Variants in AHCYL2 observed in about 807,000 individuals in gnomAD.
AHCYL2 encodes S-adenosylhomocysteine hydrolase-like protein 2.
In AHCYL2, 28 loss-of-function variants were observed where a neutral mutation model predicts 81.4. The ratio of observed to expected loss-of-function variants is 0.34; its 90% confidence interval spans 0.25 to 0.47. The LOEUF (loss-of-function observed/expected upper bound fraction) is 0.47, where lower values mean the gene tolerates loss of function less well. Ranked by LOEUF, AHCYL2 falls within the 20% of genes least tolerant of loss-of-function variation. The pLI is 1.00. For synonymous variants in AHCYL2, 272 were observed against 290.2 expected, an observed-to-expected ratio of 0.94 and a Z score of 0.64; for missense variants, 551 against 785.1, an observed-to-expected ratio of 0.70 and a Z score of 3.56.
chr7:129,272,037 C>G (rs984205941), intron 1 of AHCYL2, among the ~76,000 whole-genome samples: 3 of 152,164 alleles, frequency 2.0e-5, no homozygotes, highest in Admixed American at 6.5e-5. Context: ...ACTTTCAAGG[C>G]CAGGTCATGA....
rs556963142 is a variant in AHCYL2 at position 129,342,481 on chromosome 7, G to C, written c.364-37157G>C. ...AGCAAAAGGTAGGTGAATATACCAA[G>C]AACTTCCAATTAAAAGATGAGGGAA... On this transcript the variant is annotated intron_variant, in intron 1 of 16. Transcript: ENST00000325006. 7.2e-5 allele frequency among the ~76,000 whole-genome samples: 11 copies of C among 152,262 alleles called. No homozygotes were observed. The South Asian group carries it at 2.3e-3, about 32-fold the overall frequency.
chr7:129,280,796 G>C (rs1423509430), intron 1 of AHCYL2, among the ~76,000 whole-genome samples: 1 of 150,850 alleles, frequency 6.6e-6, no homozygotes, highest in Non-Finnish European at 1.5e-5. Context: ...TTTGTCTAAT[G>C]CATTTTCTGT....
Position 129,424,960 on chromosome 7 carries a change from G to A in AHCYL2, c.1629+18G>A, listed in dbSNP as rs775758134. On this transcript the variant is annotated intron_variant, in intron 14 of 16. Coordinates refer to ENST00000325006, the MANE Select transcript of AHCYL2 (RefSeq NM_015328.4). ...CTACTCAGGTAAGGCTTCCAGAGTGGGATAGCAGTAGTCTGGAGAAGGTCC... is the reference window on the plus strand; with the variant it reads ...CTACTCAGGTAAGGCTTCCAGAGTGAGATAGCAGTAGTCTGGAGAAGGTCC... The A allele has an allele frequency of 2.4e-5, 38 of 1,613,972 alleles. No homozygotes were observed. The highest frequency in any genetic ancestry group is 2.9e-5 in the Non-Finnish European group (34 of 1,179,958).
At chr7:129,243,209 G>C (rs1209160913) in intron 1 of AHCYL2, among the ~76,000 whole-genome samples, 1 of 151,548 alleles carries the variant, frequency 6.6e-6, no homozygotes, top group African/African-American at 2.4e-5. Flanking sequence ...ATTTTTAGTA[G>C]AGATGGGGTT....
intron 1 of AHCYL2, among the ~76,000 whole-genome samples, chr7:129,313,884 G>A (rs1473169632): frequency 6.6e-6 from 1 of 152,192 alleles, no homozygotes; most frequent in African/African-American, 2.4e-5. Context: ...ATGATGGTGA[G>A]TCTTCCAATT....
chr7:129,363,210 G>T (rs2150845709), intron 1 of AHCYL2, among the ~76,000 whole-genome samples: 1 of 152,202 alleles, frequency 6.6e-6, no homozygotes, highest in Non-Finnish European at 1.5e-5. Flanking sequence ...TACATGTTAA[G>T]GGTAATATAA....
chr7:129,373,579 G>T (rs1192158441), intron 1 of AHCYL2, among the ~76,000 whole-genome samples: 1 of 151,432 alleles, frequency 6.6e-6, no homozygotes, highest in East Asian at 1.9e-4. Context: ...CAGCCTGGGT[G>T]ACAGACCAAG....
At chr7:129,418,139 G>A (rs186184427) in intron 12 of AHCYL2, among the ~76,000 whole-genome samples, 60 of 151,706 alleles carry the variant, frequency 4.0e-4, no homozygotes, top group African/African-American at 1.4e-3. Flanking sequence ...CATTGGGCAA[G>A]GGGGTGAGGA....
intron 1 of AHCYL2, among the ~76,000 whole-genome samples, chr7:129,287,227 G>A (rs1181666995): frequency 2.0e-5 from 3 of 152,152 alleles, no homozygotes; most frequent in South Asian, 4.1e-4. Flanking sequence ...TATAATCTTA[G>A]GGTTATCATG....
At chr7:129,245,220 T>TC (rs1795007806) in intron 1 of AHCYL2, among the ~76,000 whole-genome samples, 1 of 152,118 alleles carries the variant, frequency 6.6e-6, no homozygotes, top group African/African-American at 2.4e-5. Flanking sequence ...AGATGGGGTT[T>TC]CACCATGTTG....
intron 1 of AHCYL2, among the ~76,000 whole-genome samples, chr7:129,265,090 T>C (rs1212813852): frequency 2.0e-5 from 3 of 152,222 alleles, no homozygotes; most frequent in African/African-American, 4.8e-5. Context: ...TAAAGAAATA[T>C]AGAGAGAAAC....
At position 129,230,543 on chromosome 7, in the gene AHCYL2, T is replaced by C. The variant is rs190066901; in HGVS notation, c.363+5104T>C. Among the ~76,000 whole-genome samples the C allele has an allele frequency of 2.0e-4, 31 of 152,066 alleles. 1 individual carries two copies. In the East Asian group the frequency reaches 6.0e-3, roughly 29 times the overall value. ...TTGCTTTTCAATTCAAATAGTACTCTGTTCGAAACTCAGGATGAACCTTCT... is the reference window on the plus strand; with the variant it reads ...TTGCTTTTCAATTCAAATAGTACTCCGTTCGAAACTCAGGATGAACCTTCT... On this transcript the variant is annotated intron_variant, in intron 1 of 16. Transcript: ENST00000325006.
chr7:129,297,877 G>A (rs1047340148), intron 1 of AHCYL2, among the ~76,000 whole-genome samples: 10 of 152,060 alleles, frequency 6.6e-5, no homozygotes, highest in African/African-American at 2.4e-4. Flanking sequence ...TTAAAAATTA[G>A]CCCGACATGG....
intron 1 of AHCYL2, among the ~76,000 whole-genome samples, chr7:129,260,896 C>G (rs1313929084): frequency 6.6e-6 from 1 of 152,142 alleles, no homozygotes; most frequent in Non-Finnish European, 1.5e-5. Flanking sequence ...TCAAGTGATT[C>G]TCCTGCCTCA....
chr7:129,360,382 C>G (rs947279690), intron 1 of AHCYL2, among the ~76,000 whole-genome samples: 1 of 152,232 alleles, frequency 6.6e-6, no homozygotes, highest in African/African-American at 2.4e-5. Context: ...TCCCAAGGTG[C>G]TGGGATTACA....
At chr7:129,329,400 C>T (rs1358321233) in intron 1 of AHCYL2, among the ~76,000 whole-genome samples, 1 of 151,960 alleles carries the variant, frequency 6.6e-6, no homozygotes, top group Non-Finnish European at 1.5e-5. Flanking sequence ...CCAGACTGGT[C>T]TCAAACTCCT....
chr7:129,334,651 C>T lies in AHCYL2; in HGVS notation c.364-44987C>T, dbSNP rs894894856. Reference sequence around the variant, plus strand: ...ACAAATTTGTATTAGTGATACTTAACTGCCCCAGGAGGCTGGTACCTGCTA... The same window carrying T: ...ACAAATTTGTATTAGTGATACTTAATTGCCCCAGGAGGCTGGTACCTGCTA... On this transcript the variant is annotated intron_variant, in intron 1 of 16. Transcript: ENST00000325006. Among the ~76,000 whole-genome samples, 5 of 152,152 alleles carry T rather than the reference C, an allele frequency of 3.3e-5. No homozygotes were observed. In the East Asian group the frequency reaches 9.6e-4, roughly 29 times the overall value.
chr7:129,231,083 T>C (rs1794419426), intron 1 of AHCYL2, among the ~76,000 whole-genome samples: 1 of 151,996 alleles, frequency 6.6e-6, no homozygotes, highest in African/African-American at 2.4e-5. Context: ...ATACAAAAAA[T>C]TAGCTGGGCA....
chr7:129,353,823 A>T (rs1793649755), intron 1 of AHCYL2, among the ~76,000 whole-genome samples: 1 of 151,758 alleles, frequency 6.6e-6, no homozygotes, highest in Non-Finnish European at 1.5e-5. Flanking sequence ...AGAATCTTCA[A>T]GAATTCCCAC....
Sources: gnomAD v4.1 joint callset for allele counts (sites outside exome capture counted in the v4.1 genomes callset) on GRCh38, gnomAD v4.1.1 for gene constraint, MANE v1.5 for transcripts, NCBI Gene and HGNC (gene_info 2026-07-23, HGNC 2026-07-21) for gene names.